Variants in NEURL1 observed in about 807,000 individuals in gnomAD.
The protein encoded by NEURL1 is E3 ubiquitin-protein ligase NEURL1.
Under a neutral mutation model 41.2 loss-of-function variants are expected in NEURL1, and 26 were observed. The observed-to-expected ratio is 0.63, with a 90% CI of 0.46 to 0.87. The LOEUF is 0.87. NEURL1 is among the 40% of genes least tolerant of loss of function. The probability of loss-of-function intolerance (pLI) is 0.00; values close to 1 mark genes in which losing one functional copy is unlikely to be tolerated. For synonymous variants in NEURL1, 400 were observed against 402.3 expected, an observed-to-expected ratio of 0.99 and a Z score of 0.07; for missense variants, 761 against 871.1, an observed-to-expected ratio of 0.87 and a Z score of 1.59.
rs151207510 is a variant in NEURL1 at position 103,580,965 on chromosome 10, T to C, written c.650-3571T>C. On this transcript the variant is annotated intron_variant, in intron 3 of 5. Coordinates refer to ENST00000369780, the MANE Select transcript of NEURL1 (RefSeq NM_004210.5). ...TTTCATTCAATGAGTATTTCCTGGG[T>C]ACCCATCATGACTGATGTGAAATCC... Among the ~76,000 whole-genome samples the C allele has an allele frequency of 4.6e-3, 693 of 152,278 alleles. 3 individuals carry two copies. Among genetic ancestry groups the C allele is most frequent in the African/African-American group, 0.016 (667 of 41,544 alleles).
chr10:103,504,447 T>C (rs1202720206), intron 1 of NEURL1, among the ~76,000 whole-genome samples: 3 of 152,186 alleles, frequency 2.0e-5, no homozygotes, highest in South Asian at 4.1e-4. Flanking sequence ...CATGATTAGA[T>C]TGCGGTTTTA....
chr10:103,497,633 A>G (rs2033716145), intron 1 of NEURL1, among the ~76,000 whole-genome samples: 1 of 151,678 alleles, frequency 6.6e-6, no homozygotes, highest in African/African-American at 2.4e-5. Context: ...GAACACACTG[A>G]CCCCACTCTG....
At chr10:103,529,283 T>TA (rs781485500) in intron 1 of NEURL1, among the ~76,000 whole-genome samples, 11 of 152,324 alleles carry the variant, frequency 7.2e-5, no homozygotes, top group Non-Finnish European at 1.6e-4. Context: ...CGATAAGGAA[T>TA]CATGGATTAG....
At chr10:103,503,987 A>ATTTG (rs2033889256) in intron 1 of NEURL1, among the ~76,000 whole-genome samples, 1 of 147,894 alleles carries the variant, frequency 6.8e-6, no homozygotes, top group Non-Finnish European at 1.5e-5. Context: ...TTATTTATTT[A>ATTTG]TTTATTTATT....
At chr10:103,513,942 G>T (rs1345493380) in intron 1 of NEURL1, among the ~76,000 whole-genome samples, 1 of 152,056 alleles carries the variant, frequency 6.6e-6, no homozygotes, top group Non-Finnish European at 1.5e-5. Context: ...CAAGAGGCTG[G>T]GGGAGCTGGA....
intron 1 of NEURL1, among the ~76,000 whole-genome samples, chr10:103,536,586 C>T (rs2034699091): frequency 6.6e-6 from 1 of 152,098 alleles, no homozygotes; most frequent in Non-Finnish European, 1.5e-5. Context: ...ATACCTATAT[C>T]ATTGTTTATT....
intron 1 of NEURL1, among the ~76,000 whole-genome samples, chr10:103,544,644 T>C (rs1003817017): frequency 2.0e-5 from 3 of 152,220 alleles, no homozygotes; most frequent in Non-Finnish European, 2.9e-5. Flanking sequence ...CAAAGTCTAA[T>C]GTAGCCCACC....
At chr10:103,564,982 G>A (rs1003870971) in intron 1 of NEURL1, among the ~76,000 whole-genome samples, 3 of 152,182 alleles carry the variant, frequency 2.0e-5, no homozygotes, top group Admixed American at 2.0e-4. Flanking sequence ...CATGAGAACA[G>A]CGCCCCCTAG....
In NEURL1 at chr10:103,587,426, G is replaced by T. The variant is rs1477376283; in HGVS notation, c.1340-2088G>T. Among the ~76,000 whole-genome samples the T allele has an allele frequency of 4.6e-5, 7 of 152,340 alleles. No homozygotes were observed. The East Asian group carries it at 1.3e-3, about 29-fold the overall frequency. On this transcript the variant is annotated intron_variant, in intron 4 of 5. Transcript: ENST00000369780. Reference sequence around the variant, plus strand: ...GTGGGTGTTGAAGAAGAACCACCCAGAATTCAATATACATTCAACAAAGTG... The same window carrying T: ...GTGGGTGTTGAAGAAGAACCACCCATAATTCAATATACATTCAACAAAGTG...
At chr10:103,536,750 T>C (rs2034702021) in intron 1 of NEURL1, among the ~76,000 whole-genome samples, 1 of 152,226 alleles carries the variant, frequency 6.6e-6, no homozygotes, top group South Asian at 2.1e-4. Context: ...AAAAAAATTA[T>C]GGTAAAATAC....
intron 1 of NEURL1, among the ~76,000 whole-genome samples, chr10:103,516,320 A>C (rs1351869891): frequency 1.3e-5 from 2 of 151,276 alleles, no homozygotes; most frequent in African/African-American, 4.9e-5. Context: ...TGAGGGAATA[A>C]TCCAAGATTA....
chr10:103,548,876 C>G (rs2034979070), intron 1 of NEURL1, among the ~76,000 whole-genome samples: 1 of 152,180 alleles, frequency 6.6e-6, no homozygotes, highest in African/African-American at 2.4e-5. Context: ...GCTTGCCTGT[C>G]CAACCTGAAG....
At chr10:103,574,184 C>G (rs2035609016) in intron 3 of NEURL1, among the ~76,000 whole-genome samples, 1 of 152,148 alleles carries the variant, frequency 6.6e-6, no homozygotes, top group African/African-American at 2.4e-5. Flanking sequence ...GCAACCCAGC[C>G]CTGCCCACAG....
intron 1 of NEURL1, among the ~76,000 whole-genome samples, chr10:103,503,143 G>A (rs2033863252): frequency 6.6e-6 from 1 of 152,258 alleles, no homozygotes; most frequent in Non-Finnish European, 1.5e-5. Flanking sequence ...GAGCCTGTGG[G>A]TCCCGCCTGG....
At chr10:103,561,251 C>T (rs1369005391) in intron 1 of NEURL1, among the ~76,000 whole-genome samples, 1 of 151,750 alleles carries the variant, frequency 6.6e-6, no homozygotes, top group African/African-American at 2.4e-5. Flanking sequence ...TCCATTACTT[C>T]CTCTGTATTC....
chr10:103,571,027 A>G lies in NEURL1; in HGVS notation c.241A>G (p.Lys81Glu). 6.2e-7 allele frequency: 1 copy of G among 1,614,008 alleles called. No homozygotes were observed. The highest frequency in any genetic ancestry group is 8.5e-7 in the Non-Finnish European group (1 of 1,179,992). Residue 81 changes from lysine to glutamate, a missense_variant, in exon 2 of 6, where the codon AAG (lysine) becomes GAG (glutamate). By Grantham distance (56) the Lys-to-Glu change is moderately conservative (BLOSUM62 1). Around this residue, in one of 5 missense-constraint regions of NEURL1, gnomAD observed 65 missense variants for 131.6 expected, o/e 0.49. Coordinates refer to ENST00000369780, the MANE Select transcript of NEURL1 (RefSeq NM_004210.5). ...GSQILMDLSH[K>E]AVKRQASFCN... is the part of the protein sequence containing the mutation. ...CCAGATCCTCATGGACCTCAGCCAC[A>G]AGGCTGTCAAGAGGCAGGCCAGCTT...
At chr10:103,554,848 T>A (rs1209755720) in intron 1 of NEURL1, among the ~76,000 whole-genome samples, 1 of 152,190 alleles carries the variant, frequency 6.6e-6, no homozygotes, top group African/African-American at 2.4e-5. Context: ...GGGGGTCCCC[T>A]CTCACCTAGC....
At chr10:103,585,286 A>T in intron 4 of NEURL1, 61 bp downstream of exon 4, 1 of 1,363,340 alleles carries the variant, frequency 7.3e-7, no homozygotes, top group Admixed American at 2.8e-5. Flanking sequence ...CGATCCGGGT[A>T]GGAGACAAAG....
In NEURL1 at chr10:103,558,034, A is replaced by G; in HGVS notation, c.86-12838A>G. ...GCTGGGATCACAGGCACCCACCACC[A>G]TGCCCGGCTAATTTTTTGTATTTTT... is the stretch of plus-strand genomic sequence containing the variant. On this transcript the variant is annotated intron_variant, in intron 1 of 5. Transcript: ENST00000369780. This position sits in a 1 kb window ranked among gnomAD's most constrained non-coding sequence, Gnocchi z 4.2. 1 of 215,584 alleles carries G rather than the reference A, an allele frequency of 4.6e-6. No homozygotes were observed. The highest frequency in any genetic ancestry group is 7.9e-6 in the Non-Finnish European group (1 of 126,188). The allele number at this position is 215,584 out of a possible 1,614,324, so 13.4% of individuals were successfully genotyped here. A position where few individuals can be genotyped will look rare whatever the true frequency, so the allele number is the denominator to read the frequency against.
Sources: gnomAD v4.1 joint callset for allele counts (sites outside exome capture counted in the v4.1 genomes callset) on GRCh38, gnomAD v4.1.1 for gene constraint, gnomAD v4.1.1 regional missense constraint, Gnocchi (gnomAD v3.1) non-coding constraint, MANE v1.5 for transcripts, NCBI Gene and HGNC (gene_info 2026-07-23, HGNC 2026-07-21) for gene names.